Variants in ENPP6 observed in about 807,000 individuals in gnomAD.
The protein encoded by ENPP6 is ectonucleotide pyrophosphatase/phosphodiesterase 6, also known as glycerophosphocholine cholinephosphodiesterase ENPP6.
ENPP6 carries 32 observed loss-of-function variants against 42.0 expected under a neutral mutation model. That is an observed-to-expected ratio of 0.76 (90% confidence interval 0.58 to 1.02). ENPP6 has a LOEUF of 1.02. Among genes scored for constraint, ENPP6 ranks in the 50% least tolerant of loss-of-function variants. ENPP6 has a pLI of 0.00. For synonymous variants in ENPP6, 213 were observed against 216.0 expected, an observed-to-expected ratio of 0.99 and a Z score of 0.12; for missense variants, 552 against 566.8, an observed-to-expected ratio of 0.97 and a Z score of 0.27.
chr4:184,196,648 TG>T (rs1345267141), intron 1 of ENPP6, among the ~76,000 whole-genome samples: 1 of 151,972 alleles, frequency 6.6e-6, no homozygotes, highest in Admixed American at 6.6e-5. Flanking sequence ...GAAAGACAGG[TG>T]GAGGAAAGCC....
chr4:184,133,643 G>A (rs1463607093), intron 2 of ENPP6, among the ~76,000 whole-genome samples: 2 of 150,940 alleles, frequency 1.3e-5, no homozygotes, highest in Non-Finnish European at 2.9e-5. Flanking sequence ...ATGCTAGGAG[G>A]CACCCTTACC....
chr4:184,089,136 A>G lies in ENPP6; in HGVS notation c.*2041T>C, dbSNP rs1231544050. The G allele has an allele frequency of 2.0e-5, 3 of 152,210 alleles. No individual in the cohort carries two copies. Among genetic ancestry groups the G allele is most frequent in the Admixed American group, 6.5e-5 (1 of 15,284 alleles). The allele number at this position is 152,210 out of a possible 1,614,324, so 9.4% of individuals were successfully genotyped here. A position where few individuals can be genotyped will look rare whatever the true frequency, so the allele number is the denominator to read the frequency against. On this transcript the variant is annotated 3_prime_UTR_variant, in exon 8 of 8. Transcript: ENST00000296741. ...TACTGCCAATGTTTTGAAAGTTGTCATTTGTTTTCAGCTAGATAACAAAGG... is the reference window on the plus strand; with the variant it reads ...TACTGCCAATGTTTTGAAAGTTGTCGTTTGTTTTCAGCTAGATAACAAAGG...
intron 1 of ENPP6, among the ~76,000 whole-genome samples, chr4:184,191,658 A>T (rs192240008): frequency 4.3e-4 from 65 of 152,338 alleles, no homozygotes; most frequent in African/African-American, 1.5e-3. Context: ...AAATGCCTGT[A>T]CATAACTCCT....
chr4:184,091,423 C>T, intron 7 of ENPP6, 41 bp from the exon 8 acceptor site: 2 of 1,562,804 alleles, frequency 1.3e-6, no homozygotes, highest in African/African-American at 1.4e-5. Context: ...CATGGCAGCT[C>T]CAGGGCAGAG....
At chr4:184,166,784 A>G (rs945282033) in intron 1 of ENPP6, among the ~76,000 whole-genome samples, 4 of 152,210 alleles carry the variant, frequency 2.6e-5, no homozygotes, top group African/African-American at 9.6e-5. Context: ...GTCAGCCAAC[A>G]TCTCCATCCT....
chr4:184,192,928 T>TA (rs1210427963), intron 1 of ENPP6, among the ~76,000 whole-genome samples: 1 of 152,192 alleles, frequency 6.6e-6, no homozygotes, highest in East Asian at 1.9e-4. Flanking sequence ...ATGGCTTTGA[T>TA]AAAAAAGACA....
intron 2 of ENPP6, among the ~76,000 whole-genome samples, chr4:184,131,615 T>A (rs1026931243): frequency 6.6e-6 from 1 of 151,682 alleles, no homozygotes; most frequent in African/African-American, 2.4e-5. Context: ...CCACCTGCCT[T>A]GGCCTCCCAA....
At chr4:184,189,769 C>G (rs536424528) in intron 1 of ENPP6, among the ~76,000 whole-genome samples, 1 of 152,244 alleles carries the variant, frequency 6.6e-6, no homozygotes, top group African/African-American at 2.4e-5. Context: ...TAGATCTCAC[C>G]ACAGCCCGGA....
chr4:184,161,871 G>C (rs916448137), intron 1 of ENPP6, among the ~76,000 whole-genome samples: 1 of 152,056 alleles, frequency 6.6e-6, no homozygotes, highest in Non-Finnish European at 1.5e-5. Flanking sequence ...TGGACTTTGG[G>C]GACTTGGGGG....
intron 1 of ENPP6, among the ~76,000 whole-genome samples, chr4:184,189,080 T>C (rs1443298309): frequency 6.6e-6 from 1 of 152,226 alleles, no homozygotes; most frequent in Non-Finnish European, 1.5e-5. Flanking sequence ...GCCGAGTGGC[T>C]CTGCACACTA....
chr4:184,099,105 T>A (rs1366160461), intron 6 of ENPP6, among the ~76,000 whole-genome samples: 6 of 152,282 alleles, frequency 3.9e-5, no homozygotes, highest in Non-Finnish European at 1.5e-5. Context: ...AGAGGTTAAG[T>A]GACAGTCAGA....
chr4:184,169,380 G>A (rs1214620176), intron 1 of ENPP6, among the ~76,000 whole-genome samples: 1 of 152,214 alleles, frequency 6.6e-6, no homozygotes, highest in East Asian at 1.9e-4. Flanking sequence ...GCCCCAGGAA[G>A]AGACGCTGGG....
intron 1 of ENPP6, among the ~76,000 whole-genome samples, chr4:184,193,287 T>C (rs1325110331): frequency 6.6e-6 from 1 of 152,224 alleles, no homozygotes; most frequent in Non-Finnish European, 1.5e-5. Context: ...ATCCACACAG[T>C]GCAATAGTTG....
intron 1 of ENPP6, among the ~76,000 whole-genome samples, chr4:184,211,842 A>C (rs1203609871): frequency 1.3e-5 from 2 of 151,596 alleles, no homozygotes; most frequent in African/African-American, 2.4e-5. Flanking sequence ...ATCCTCAATA[A>C]AATACTGGCA....
At chr4:184,140,491 A>G (rs555457337) in intron 2 of ENPP6, among the ~76,000 whole-genome samples, 1 of 148,382 alleles carries the variant, frequency 6.7e-6, no homozygotes, top group Non-Finnish European at 1.5e-5. Context: ...TTCAAACTAT[A>G]CTACAAGGCT....
chr4:184,188,777 C>T (rs942464504), intron 1 of ENPP6, among the ~76,000 whole-genome samples: 10 of 152,120 alleles, frequency 6.6e-5, no homozygotes, highest in East Asian at 5.8e-4. Context: ...CACGCTCACA[C>T]ATGAGAGACT....
chr4:184,163,031 G>A (rs758460660), intron 1 of ENPP6, among the ~76,000 whole-genome samples: 1 of 152,214 alleles, frequency 6.6e-6, no homozygotes, highest in Non-Finnish European at 1.5e-5. Flanking sequence ...TGAGGCTCAA[G>A]GCAGGCTGGA....
chr4:184,217,872 C>G lies in ENPP6; in HGVS notation c.-53G>C. On this transcript the variant is annotated 5_prime_UTR_variant, in exon 1 of 8. Transcript: ENST00000296741. Reference sequence around the variant, plus strand: ...TGGCACAGCTGTCGCCTTGCAAAGACTGAGGATGGAGAATCTGTAGCTATT... The same window carrying G: ...TGGCACAGCTGTCGCCTTGCAAAGAGTGAGGATGGAGAATCTGTAGCTATT... 1 of 1,584,952 alleles carries G rather than the reference C, an allele frequency of 6.3e-7. No individual in the cohort carries two copies. Among genetic ancestry groups the G allele is most frequent in the Non-Finnish European group, 8.6e-7 (1 of 1,166,460 alleles).
Position 184,116,051 on chromosome 4 carries a change from T to TA in ENPP6, c.855+804dup, listed in dbSNP as rs1006432047. Among the ~76,000 whole-genome samples the TA allele has an allele frequency of 9.5e-3, 1,358 of 142,554 alleles. 22 individuals are homozygous for TA. Among genetic ancestry groups the TA allele is most frequent in the African/African-American group, 0.031 (1,216 of 39,014 alleles). The allele number at this position is 142,554 out of a possible 152,430, so 93.5% of individuals were successfully genotyped here. A position where few individuals can be genotyped will look rare whatever the true frequency, so the allele number is the denominator to read the frequency against. On this transcript the variant is annotated intron_variant, in intron 5 of 7. Coordinates refer to ENST00000296741, the MANE Select transcript of ENPP6 (RefSeq NM_153343.4). ...TAACATGGTGAAACCCCGTCTCTAC[T>TA]AAAAAAAAAAAATACAAAAAAATTA...
Sources: allele counts gnomAD v4.1 joint callset (sites outside exome capture counted in the v4.1 genomes callset), GRCh38; gene constraint gnomAD v4.1.1; transcripts MANE v1.5; gene names NCBI Gene and HGNC (gene_info 2026-07-23, HGNC 2026-07-21).